PRKCA: variants seen among roughly 807,000 people sequenced by gnomAD.
PRKCA encodes the protein protein kinase C alpha type.
A neutral mutation model predicts 87.0 loss-of-function variants in PRKCA; 27 were observed. The ratio of observed to expected loss-of-function variants is 0.31; its 90% CI spans 0.23 to 0.43. The LOEUF is 0.43. PRKCA is among the 20% of genes least tolerant of loss of function. PRKCA has a pLI of 1.00. For missense variants in PRKCA, 518 were observed against 852.3 expected (o/e 0.61, Z 4.88); for synonymous variants, 329 against 311.1 (o/e 1.06, Z -0.61).
intron 3 of PRKCA, among the ~76,000 whole-genome samples, chr17:66,582,364 A>G (rs1171191368): frequency 6.6e-6 from 1 of 152,116 alleles, no homozygotes; most frequent in Non-Finnish European, 1.5e-5. Flanking sequence ...TCCCCACCCA[A>G]ATCTCACCTT....
At chr17:66,755,204 T>A (rs918918622) in intron 13 of PRKCA, among the ~76,000 whole-genome samples, 2 of 152,176 alleles carry the variant, frequency 1.3e-5, no homozygotes, top group Non-Finnish European at 2.9e-5. Flanking sequence ...GTATTGTCAG[T>A]GCCTCCTCTG....
rs1189964653 is a variant in PRKCA at position 66,783,330 on chromosome 17, A to G, written c.1606-3537A>G. 4.6e-5 allele frequency among the ~76,000 whole-genome samples: 7 copies of G among 152,200 alleles called. 1 individual carries two copies. Among genetic ancestry groups the G allele is most frequent in the Admixed American group, 2.6e-4 (4 of 15,274 alleles). ...AGGGCCTGTACAATTTAAATGTTAAAGCAAATTGCCAGAGAGGGGTAGAGG... is the reference window on the plus strand; with the variant it reads ...AGGGCCTGTACAATTTAAATGTTAAGGCAAATTGCCAGAGAGGGGTAGAGG... On this transcript the variant is annotated intron_variant, in intron 14 of 16. Transcript: ENST00000413366.
intron 3 of PRKCA, among the ~76,000 whole-genome samples, chr17:66,605,111 C>T (rs558673606): frequency 5.9e-5 from 9 of 152,150 alleles, no homozygotes; most frequent in Non-Finnish European, 1.2e-4. Flanking sequence ...CATGTACACA[C>T]GTGTGTATGT....
At chr17:66,330,044 C>A (rs546046880) in intron 2 of PRKCA, among the ~76,000 whole-genome samples, 18 of 151,848 alleles carry the variant, frequency 1.2e-4, no homozygotes, top group Admixed American at 8.5e-4. Flanking sequence ...ATTCCCTCTG[C>A]TGGTCTGTTG....
At chr17:66,695,444 G>A (rs1360421356) in intron 8 of PRKCA, among the ~76,000 whole-genome samples, 1 of 152,188 alleles carries the variant, frequency 6.6e-6, no homozygotes, top group Non-Finnish European at 1.5e-5. Flanking sequence ...TACCTGTAGG[G>A]TTGCTTATCT....
In PRKCA at chr17:66,367,804, A is replaced by G. The variant is rs569370690; in HGVS notation, c.205+61677A>G. On this transcript the variant is annotated intron_variant, in intron 2 of 16. Transcript: ENST00000413366. ...CTTAATTATGTCTTCTCATTTGCTAAATGGATACCAATTTATGAGACTATG... is the reference window on the plus strand; with the variant it reads ...CTTAATTATGTCTTCTCATTTGCTAGATGGATACCAATTTATGAGACTATG... 2.6e-5 allele frequency among the ~76,000 whole-genome samples: 4 copies of G among 152,342 alleles called. No homozygotes were observed. In the South Asian group the frequency reaches 8.3e-4, roughly 32 times the overall value.
intron 14 of PRKCA, among the ~76,000 whole-genome samples, chr17:66,776,981 G>A (rs1975069057): frequency 6.6e-6 from 1 of 152,216 alleles, no homozygotes; most frequent in African/African-American, 2.4e-5. Context: ...GCGCGTGCTT[G>A]AGCCCACTCG....
At chr17:66,592,463 G>A (rs943062561) in intron 3 of PRKCA, among the ~76,000 whole-genome samples, 3 of 152,036 alleles carry the variant, frequency 2.0e-5, no homozygotes, top group African/African-American at 7.3e-5. Context: ...CATAAGCCTG[G>A]TACATTTCCA....
At position 66,418,207 on chromosome 17, in the gene PRKCA, CTA is replaced by C. The variant is rs1017348985; in HGVS notation, c.206-77992_206-77991del. 1.7e-3 allele frequency among the ~76,000 whole-genome samples: 255 copies of C among 152,242 alleles called. 1 individual carries two copies. Among genetic ancestry groups the C allele is most frequent in the Middle Eastern group, 6.8e-3 (2 of 294 alleles). On this transcript the variant is annotated intron_variant, in intron 2 of 16. Coordinates refer to ENST00000413366, the MANE Select transcript of PRKCA (RefSeq NM_002737.3). Reference sequence around the variant, plus strand: ...TCTGTGGATTAAGCAGATCTAAAAGCTATGAGAAAACTGCCTACTTGTGTGTG... The same window carrying C: ...TCTGTGGATTAAGCAGATCTAAAAGCTGAGAAAACTGCCTACTTGTGTGTG...
intron 2 of PRKCA, chr17:66,306,347 T>G (rs538182542): frequency 2.5e-4 from 100 of 394,072 alleles, no homozygotes; most frequent in Admixed American, 2.1e-3. Flanking sequence ...AAAAAAGCCT[T>G]TCTGTAATTT....
intron 3 of PRKCA, among the ~76,000 whole-genome samples, chr17:66,511,997 C>A (rs1258705912): frequency 1.3e-5 from 2 of 152,096 alleles, no homozygotes; most frequent in Non-Finnish European, 2.9e-5. Context: ...TAGTGAACTT[C>A]TGTCCATCCG....
At chr17:66,721,395 CAAAA>C (rs55795871) in intron 8 of PRKCA, among the ~76,000 whole-genome samples, 5 of 98,238 alleles carry the variant, frequency 5.1e-5, no homozygotes, top group Admixed American at 2.2e-4. Flanking sequence ...GATTCCGTCT[CAAAA>C]AAAAAAAAAA....
At chr17:66,441,988 G>A (rs1462806492) in intron 2 of PRKCA, among the ~76,000 whole-genome samples, 1 of 152,018 alleles carries the variant, frequency 6.6e-6, no homozygotes, top group East Asian at 1.9e-4. Context: ...CAGACAGTTT[G>A]GCTTTAGGGC....
At chr17:66,700,236 A>T (rs1290837369) in intron 8 of PRKCA, among the ~76,000 whole-genome samples, 3 of 152,234 alleles carry the variant, frequency 2.0e-5, no homozygotes, top group African/African-American at 7.2e-5. Context: ...CAGAAAAAGG[A>T]TTTGACAAAA....
intron 13 of PRKCA, among the ~76,000 whole-genome samples, chr17:66,769,375 A>G (rs1194231879): frequency 6.6e-6 from 1 of 151,660 alleles, no homozygotes; most frequent in Non-Finnish European, 1.5e-5. Context: ...AAAAAATAGT[A>G]TTGCCAAATA....
At chr17:66,458,782 C>A (rs945443227) in intron 2 of PRKCA, among the ~76,000 whole-genome samples, 9 of 152,148 alleles carry the variant, frequency 5.9e-5, no homozygotes, top group African/African-American at 2.2e-4. Flanking sequence ...TGCCCTGCCC[C>A]TTTCAGAATC....
chr17:66,401,231 G>A (rs534036835), intron 2 of PRKCA, among the ~76,000 whole-genome samples: 2 of 152,182 alleles, frequency 1.3e-5, no homozygotes, highest in Non-Finnish European at 1.5e-5. Flanking sequence ...AGGAAAGGAA[G>A]CACTAAACCA....
At chr17:66,497,356 G>T (rs1176035833) in intron 3 of PRKCA, among the ~76,000 whole-genome samples, 1 of 152,004 alleles carries the variant, frequency 6.6e-6, no homozygotes, top group Non-Finnish European at 1.5e-5. Context: ...AATTAGCTGG[G>T]CGTGGTGGCG....
At chr17:66,385,492 G>A (rs1040421925) in intron 2 of PRKCA, among the ~76,000 whole-genome samples, 1 of 152,122 alleles carries the variant, frequency 6.6e-6, no homozygotes, top group Non-Finnish European at 1.5e-5. Flanking sequence ...GTAATACAAA[G>A]CCCATGATTC....
Sources: gnomAD v4.1 joint callset for allele counts (sites outside exome capture counted in the v4.1 genomes callset) on GRCh38, gnomAD v4.1.1 for gene constraint, MANE v1.5 for transcripts, NCBI Gene and HGNC (gene_info 2026-07-23, HGNC 2026-07-21) for gene names.